CRACDL: variants seen among roughly 807,000 people sequenced by gnomAD.
The protein encoded by CRACDL is CRACD-like protein.
A neutral mutation model predicts 70.6 loss-of-function variants in CRACDL; 26 were observed. The ratio of observed to expected loss-of-function variants is 0.37; its 90% CI spans 0.27 to 0.51. The LOEUF is 0.51. Ranked by LOEUF, CRACDL falls within the 20% of genes least tolerant of loss-of-function variation. The pLI is 0.94. For synonymous variants in CRACDL, 618 were observed against 615.2 expected, an observed-to-expected ratio of 1.00 and a Z score of -0.07; for missense variants, 1,283 against 1,376.9, an observed-to-expected ratio of 0.93 and a Z score of 1.08.
chr2:98,820,024 T>C (rs1294821793), intron 7 of CRACDL, among the ~76,000 whole-genome samples: 1 of 151,548 alleles, frequency 6.6e-6, no homozygotes, highest in African/African-American at 2.4e-5. Flanking sequence ...TTCACCACGT[T>C]GGCCAGGCTG....
intron 1 of CRACDL, among the ~76,000 whole-genome samples, chr2:98,893,984 C>T (rs1708050388): frequency 6.6e-6 from 1 of 152,168 alleles, no homozygotes. Context: ...GTTCAAGCTC[C>T]CCAGGAGATT....
chr2:98,827,064 A>G lies in CRACDL; in HGVS notation c.646T>C (p.Ser216Pro). Residue 216 changes from serine (S) to proline (P), a missense_variant, in exon 6 of 10, where the codon TCC becomes CCC. Ser to Pro is a moderately conservative substitution (Grantham distance 74). This residue lies in a region of CRACDL where 362 missense variants were observed against 495.0 expected (regional missense o/e 0.73). Coordinates refer to ENST00000397899, the MANE Select transcript of CRACDL (RefSeq NM_207362.3). Reference sequence around the variant, plus strand: ...GCTGCAGAGTTGTCCAGGCAGGAGGAGGATTCTGCAGGATAACTGAAGTCA... The same window carrying G: ...GCTGCAGAGTTGTCCAGGCAGGAGGGGGATTCTGCAGGATAACTGAAGTCA... ...VADFSYPAES[S>P]SCLDNSAAKH... The G allele has an allele frequency of 6.2e-7, 1 of 1,614,012 alleles. No homozygotes were observed.
At chr2:98,864,752 G>C (rs1707068954) in intron 1 of CRACDL, among the ~76,000 whole-genome samples, 1 of 152,076 alleles carries the variant, frequency 6.6e-6, no homozygotes, top group Non-Finnish European at 1.5e-5. Flanking sequence ...TCACCATGCT[G>C]GCCAAGCTGG....
At chr2:98,878,514 C>T (rs374256305) in intron 1 of CRACDL, among the ~76,000 whole-genome samples, 87 of 152,320 alleles carry the variant, frequency 5.7e-4, no homozygotes, top group Non-Finnish European at 1.1e-3. Context: ...GATGTTCACA[C>T]GATGAAATCA....
intron 5 of CRACDL, among the ~76,000 whole-genome samples, chr2:98,830,278 G>A (rs1252448426): frequency 1.3e-5 from 2 of 152,128 alleles, no homozygotes; most frequent in Non-Finnish European, 2.9e-5. Context: ...ATTCTATCAG[G>A]AAATGTCACC....
intron 1 of CRACDL, among the ~76,000 whole-genome samples, chr2:98,920,373 A>G (rs1164333508): frequency 6.6e-6 from 1 of 152,114 alleles, no homozygotes; most frequent in East Asian, 1.9e-4. Context: ...CACTGTGCAT[A>G]CTTCGCATGT....
intron 3 of CRACDL, among the ~76,000 whole-genome samples, chr2:98,833,451 C>T (rs1559223361): frequency 6.6e-6 from 1 of 152,198 alleles, no homozygotes; most frequent in South Asian, 2.1e-4. Flanking sequence ...ATGAACGCAT[C>T]CTCACACACA....
rs545583502 is a variant in CRACDL at position 98,883,830 on chromosome 2, A to G, written c.-10-37020T>C. Reference sequence around the variant, plus strand: ...TCATCCAGGCTGTTGTTTAGGACCGAATGAGATGATGTAATGTACAAAGGA... The same window carrying G: ...TCATCCAGGCTGTTGTTTAGGACCGGATGAGATGATGTAATGTACAAAGGA... On this transcript the variant is annotated intron_variant, in intron 1 of 9. Transcript: ENST00000397899. 2.6e-5 allele frequency among the ~76,000 whole-genome samples: 4 copies of G among 152,328 alleles called. No individual in the cohort carries two copies. In the South Asian group the frequency reaches 8.3e-4, roughly 32 times the overall value.
At chr2:98,926,878 G>A (rs900350747) in intron 1 of CRACDL, among the ~76,000 whole-genome samples, 12 of 152,208 alleles carry the variant, frequency 7.9e-5, no homozygotes, top group Admixed American at 2.0e-4. Flanking sequence ...CAGAGAGAGC[G>A]AAGATTCTCC....
intron 7 of CRACDL, among the ~76,000 whole-genome samples, chr2:98,805,606 C>T (rs1704258316): frequency 6.6e-6 from 1 of 152,188 alleles, no homozygotes; most frequent in Admixed American, 6.5e-5. Flanking sequence ...CACTTCCTCT[C>T]CTAAGTGGAA....
intron 1 of CRACDL, among the ~76,000 whole-genome samples, chr2:98,923,752 T>G (rs960983982): frequency 6.6e-6 from 1 of 152,242 alleles, no homozygotes; most frequent in Non-Finnish European, 1.5e-5. Context: ...TATGCATTTT[T>G]CCTACTGATG....
intron 7 of CRACDL, among the ~76,000 whole-genome samples, chr2:98,801,503 A>T (rs1383676546): frequency 6.6e-6 from 1 of 152,204 alleles, no homozygotes; most frequent in East Asian, 1.9e-4. Flanking sequence ...GCAGGGGCCT[A>T]GGAGGCCTCT....
intron 7 of CRACDL, among the ~76,000 whole-genome samples, chr2:98,809,242 T>G (rs1704453227): frequency 6.6e-6 from 1 of 151,938 alleles, no homozygotes; most frequent in Non-Finnish European, 1.5e-5. Flanking sequence ...GCAGGACTCT[T>G]TGGAGCCTTA....
At chr2:98,802,263 C>T (rs897980515) in intron 7 of CRACDL, among the ~76,000 whole-genome samples, 2 of 152,384 alleles carry the variant, frequency 1.3e-5, no homozygotes, top group African/African-American at 2.4e-5. Flanking sequence ...CAGTGTGCAC[C>T]GCAGTCCCGC....
rs149590149 is a variant in CRACDL, at chr2:98,893,881, C to G, written c.-11+42057G>C. Among the ~76,000 whole-genome samples the G allele has an allele frequency of 2.6e-5, 4 of 152,334 alleles. No individual in the cohort carries two copies. In the South Asian group the frequency reaches 8.3e-4, roughly 32 times the overall value. ...GCAAATACTTATGATCGCATCCACA[C>G]GAACGCCCGTGCACCACACAGTGGA... is the stretch of plus-strand genomic sequence containing the variant. On this transcript the variant is annotated intron_variant, in intron 1 of 9. Coordinates refer to ENST00000397899, the MANE Select transcript of CRACDL (RefSeq NM_207362.3).
chr2:98,855,848 GA>G (rs1706678060), intron 1 of CRACDL, among the ~76,000 whole-genome samples: 1 of 152,150 alleles, frequency 6.6e-6, no homozygotes, highest in Non-Finnish European at 1.5e-5. Flanking sequence ...TAAGTGAAAT[GA>G]GAAAATTCAC....
chr2:98,917,525 A>G (rs1385414318), intron 1 of CRACDL, among the ~76,000 whole-genome samples: 1 of 152,226 alleles, frequency 6.6e-6, no homozygotes, highest in Non-Finnish European at 1.5e-5. Flanking sequence ...AGCACACCAC[A>G]AATTTGTCAA....
chr2:98,879,045 C>T lies in CRACDL; in HGVS notation c.-10-32235G>A, dbSNP rs529933119. On this transcript the variant is annotated intron_variant, in intron 1 of 9. Transcript: ENST00000397899. ...CACCACCCTGGCCCTGAGAAATCTT[C>T]CCGCTGCCCTGGCAACCTGCTCCCT... is the stretch of plus-strand genomic sequence containing the variant. Among the ~76,000 whole-genome samples the T allele has an allele frequency of 2.0e-5, 3 of 152,326 alleles. No individual in the cohort carries two copies. The East Asian group carries it at 5.8e-4, about 29-fold the overall frequency.
intron 1 of CRACDL, among the ~76,000 whole-genome samples, chr2:98,857,375 T>C (rs1355778350): frequency 6.6e-6 from 1 of 152,162 alleles, no homozygotes; most frequent in African/African-American, 2.4e-5. Context: ...ATTGGGCCTA[T>C]GACAAACATA....
Sources: allele counts gnomAD v4.1 joint callset (sites outside exome capture counted in the v4.1 genomes callset), GRCh38; gene constraint gnomAD v4.1.1; regional missense constraint gnomAD v4.1.1; transcripts MANE v1.5; gene names NCBI Gene and HGNC (gene_info 2026-07-23, HGNC 2026-07-21).